The following DZIP1L variants were observed in gnomAD, a reference collection of about 807,000 sequenced individuals.
DZIP1L encodes cilium assembly protein DZIP1L.
A neutral mutation model predicts 88.7 loss-of-function variants in DZIP1L; 90 were observed. That is an observed-to-expected ratio of 1.02 (90% CI 0.86 to 1.21). The LOEUF is 1.21. DZIP1L is among the 50% of genes most tolerant of loss of function. The pLI is 0.00. For synonymous variants in DZIP1L, 363 were observed against 372.1 expected (o/e 0.98, Z 0.28); for missense variants, 932 against 955.8 (o/e 0.98, Z 0.33).
chr3:138,104,115 T>G, intron 1 of DZIP1L, 63 bp from the exon 2 acceptor site: 1 of 1,434,596 alleles, frequency 7.0e-7, no homozygotes. Context: ...ACTGTATATC[T>G]GGCCAGCAAG....
At chr3:138,081,255 C>T (rs534687130) in intron 9 of DZIP1L, among the ~76,000 whole-genome samples, 2 of 152,234 alleles carry the variant, frequency 1.3e-5, no homozygotes, top group East Asian at 3.9e-4. Flanking sequence ...GATGCCAGCA[C>T]CTGCACCCCA....
At chr3:138,104,691 CCT>C (rs1171300434) in intron 1 of DZIP1L, among the ~76,000 whole-genome samples, 1 of 152,174 alleles carries the variant, frequency 6.6e-6, no homozygotes, top group East Asian at 1.9e-4. Flanking sequence ...GATGTCCACC[CCT>C]GTCAGGAGGG....
intron 3 of DZIP1L, among the ~76,000 whole-genome samples, chr3:138,095,845 C>T (rs1205130856): frequency 2.6e-5 from 4 of 151,862 alleles, no homozygotes; most frequent in Non-Finnish European, 5.9e-5. Context: ...AGAACCAAAG[C>T]TCCTTTAAGT....
Position 138,077,125 on chromosome 3 carries a change from C to T in DZIP1L, c.1422+374G>A, listed in dbSNP as rs188552852. Reference sequence around the variant, plus strand: ...AGCCACATGTACCACAGATGATGGGCTTGCAGATGGATACTTACCCAAGGG... The same window carrying T: ...AGCCACATGTACCACAGATGATGGGTTTGCAGATGGATACTTACCCAAGGG... On this transcript the variant is annotated intron_variant, in intron 11 of 15. Transcript: ENST00000327532. Among the ~76,000 whole-genome samples, 43 of 152,208 alleles carry T rather than the reference C, an allele frequency of 2.8e-4. No homozygotes were observed. In the East Asian group the frequency reaches 7.9e-3, roughly 28 times the overall value.
At chr3:138,106,060 G>A (rs2042474258) in intron 1 of DZIP1L, among the ~76,000 whole-genome samples, 1 of 148,846 alleles carries the variant, frequency 6.7e-6, no homozygotes, top group South Asian at 2.2e-4. Flanking sequence ...ATCTGACTAA[G>A]GCAACAAGAG....
chr3:138,072,557 A>T (rs932965284), intron 11 of DZIP1L, among the ~76,000 whole-genome samples: 9 of 152,114 alleles, frequency 5.9e-5, no homozygotes, highest in Non-Finnish European at 1.3e-4. Flanking sequence ...TGGCTAATTT[A>T]ATAATAGGTG....
intron 11 of DZIP1L, 77 bp downstream of exon 11, chr3:138,077,422 G>A (rs1460575611): frequency 5.7e-6 from 9 of 1,574,844 alleles, no homozygotes; most frequent in Non-Finnish European, 7.8e-6. Context: ...AAGAACAATC[G>A]ATCATTTGTC....
intron 2 of DZIP1L, chr3:138,101,840 G>A (rs1413477851): frequency 7.7e-6 from 10 of 1,299,940 alleles, no homozygotes; most frequent in South Asian, 1.2e-5. Flanking sequence ...TCCATGTCCT[G>A]CTTGGCCCGC....
chr3:138,083,279 T>C (rs570918219), intron 8 of DZIP1L, among the ~76,000 whole-genome samples: 1 of 152,308 alleles, frequency 6.6e-6, no homozygotes, highest in African/African-American at 2.4e-5. Flanking sequence ...GGTAGTTATG[T>C]CACCTGGGTG....
chr3:138,091,783 A>C (rs1312596182), intron 5 of DZIP1L, among the ~76,000 whole-genome samples: 2 of 151,868 alleles, frequency 1.3e-5, no homozygotes, highest in African/African-American at 4.8e-5. Context: ...CCAGTGATGC[A>C]CCTATTCTGA....
Position 138,066,815 on chromosome 3 carries a change from C to T in DZIP1L, c.2002+716G>A, listed in dbSNP as rs148550751. On this transcript the variant is annotated intron_variant, in intron 14 of 15. Coordinates refer to ENST00000327532, the MANE Select transcript of DZIP1L (RefSeq NM_173543.3). ...CCCAGTTTCTTCCCCACATACTACCCTCTCTCACAGAAGAAGCCAAGCAGA... is the reference window on the plus strand; with the variant it reads ...CCCAGTTTCTTCCCCACATACTACCTTCTCTCACAGAAGAAGCCAAGCAGA... Among the ~76,000 whole-genome samples the T allele has an allele frequency of 8.7e-4, 132 of 152,028 alleles. 1 individual carries two copies. Among genetic ancestry groups the T allele is most frequent in the Middle Eastern group, 3.4e-3 (1 of 290 alleles).
chr3:138,094,451 G>C (rs1944373612), intron 4 of DZIP1L, among the ~76,000 whole-genome samples: 1 of 152,212 alleles, frequency 6.6e-6, no homozygotes, highest in Non-Finnish European at 1.5e-5. Flanking sequence ...GAAGGGATGA[G>C]CAGGGCAACT....
At chr3:138,108,238 C>T (rs577700551) in intron 1 of DZIP1L, 73 of 985,268 alleles carry the variant, frequency 7.4e-5, no homozygotes, top group African/African-American at 2.1e-4. Flanking sequence ...GCCTCAGAGA[C>T]GACTACTCAC....
At position 138,088,219 on chromosome 3, in the gene DZIP1L, T is replaced by G. The variant is rs547873756; in HGVS notation, c.999+160A>C. On this transcript the variant is annotated intron_variant, in intron 6 of 15. Transcript: ENST00000327532. ...TTGCACACATACCACCAGCCTCACC[T>G]GAGAACCCTATTCTATGCTTTCATG... 4.6e-5 allele frequency among the ~76,000 whole-genome samples: 7 copies of G among 152,354 alleles called. No homozygotes were observed. In the South Asian group the frequency reaches 8.3e-4, roughly 18 times the overall value.
intron 1 of DZIP1L, among the ~76,000 whole-genome samples, chr3:138,114,883 A>T (rs1224678141): frequency 2.0e-5 from 3 of 152,214 alleles, no homozygotes; most frequent in Non-Finnish European, 4.4e-5. Flanking sequence ...GGGGAACGAA[A>T]GATGCCAATG....
chr3:138,085,201 G>A (rs1212091727), intron 7 of DZIP1L, among the ~76,000 whole-genome samples: 1 of 152,110 alleles, frequency 6.6e-6, no homozygotes, highest in East Asian at 1.9e-4. Context: ...CATGGGCAAG[G>A]ACTTCATGTC....
chr3:138,066,085 C>G (rs1246275035), intron 14 of DZIP1L, among the ~76,000 whole-genome samples: 2 of 152,202 alleles, frequency 1.3e-5, no homozygotes, highest in Non-Finnish European at 2.9e-5. Context: ...ATGAAACAGG[C>G]TGCATGGCCC....
chr3:138,100,477 A>T (rs1944681756), intron 2 of DZIP1L, among the ~76,000 whole-genome samples: 1 of 152,224 alleles, frequency 6.6e-6, no homozygotes, highest in South Asian at 2.1e-4. Flanking sequence ...CTAGCAAATT[A>T]TTGAACCTCA....
intron 5 of DZIP1L, among the ~76,000 whole-genome samples, chr3:138,091,663 G>T: frequency 2.6e-5 from 1 of 37,736 alleles, no homozygotes; most frequent in Non-Finnish European, 8.8e-5. Context: ...AAGGAAGGAA[G>T]GGAGGGAGAG....
Sources: gnomAD v4.1 joint callset for allele counts (sites outside exome capture counted in the v4.1 genomes callset) on GRCh38, gnomAD v4.1.1 for gene constraint, MANE v1.5 for transcripts, NCBI Gene and HGNC (gene_info 2026-07-23, HGNC 2026-07-21) for gene names.